Variants in ZNF124 observed in about 807,000 individuals in gnomAD.
ZNF124 encodes zinc finger protein HZF-16.
Under a neutral mutation model 26.6 loss-of-function variants are expected in ZNF124, and 25 were observed. That is an observed-to-expected ratio of 0.94 (90% CI 0.68 to 1.31). The LOEUF is 1.31. ZNF124 is among the 40% of genes most tolerant of loss of function. ZNF124 has a pLI of 0.00. For synonymous variants in ZNF124, 129 were observed against 133.3 expected, an observed-to-expected ratio of 0.97 and a Z score of 0.22; for missense variants, 444 against 422.2, an observed-to-expected ratio of 1.05 and a Z score of -0.45.
At chr1:247,170,880 C>G (rs528065462) in intron 1 of ZNF124, among the ~76,000 whole-genome samples, 1 of 118,168 alleles carries the variant, frequency 8.5e-6, no homozygotes, top group Non-Finnish European at 1.6e-5. Flanking sequence ...GCCCAGGACG[C>G]GGCGCCGGGC....
At chr1:247,134,282 A>T (rs559607584) in intron 3 of ZNF124, among the ~76,000 whole-genome samples, 2 of 152,364 alleles carry the variant, frequency 1.3e-5, no homozygotes, top group Non-Finnish European at 2.9e-5. Context: ...AATGGGCTAA[A>T]AGCCCCAATT....
At chr1:247,125,055 C>A (rs960287364) in intron 3 of ZNF124, among the ~76,000 whole-genome samples, 1 of 151,608 alleles carries the variant, frequency 6.6e-6, no homozygotes, top group African/African-American at 2.4e-5. Context: ...CACCTGCCTA[C>A]GCCTCCCAAA....
intron 3 of ZNF124, among the ~76,000 whole-genome samples, chr1:247,135,659 C>T (rs930112427): frequency 2.6e-5 from 4 of 152,132 alleles, no homozygotes; most frequent in African/African-American, 7.2e-5. Flanking sequence ...AAAGGAAGGA[C>T]TCCTCCCTAA....
Position 247,156,688 on chromosome 1 carries a change from G to A in ZNF124, c.934C>T (p.His312Tyr), listed in dbSNP as rs1314320585. 2.5e-6 allele frequency: 4 copies of A among 1,613,912 alleles called. No homozygotes were observed. The Admixed American group carries it at 6.7e-5, about 27-fold the overall frequency. The change falls in exon 4 of 4, where the codon CAT (histidine) becomes TAT (tyrosine). Residue 312 changes from histidine to tyrosine, a missense_variant. His to Tyr is a moderately conservative substitution (Grantham distance 83, BLOSUM62 2). Coordinates refer to ENST00000543802, the MANE Select transcript of ZNF124 (RefSeq NM_001297568.2). ...CATTCATAGGGTTTCTCTCCAGTAT[G>A]AGTCCTTTCATGGTCACGAAGGGAA... is the stretch of plus-strand genomic sequence containing the variant. ...SSSLRDHERT[H>Y]TGEKPYECQK...
intron 1 of ZNF124, among the ~76,000 whole-genome samples, chr1:247,162,780 C>CA (rs1673560574): frequency 6.6e-6 from 1 of 152,150 alleles, no homozygotes. Context: ...CAAGAGCACT[C>CA]AGATTCATAC....
chr1:247,164,052 A>G (rs1673645043), intron 1 of ZNF124, among the ~76,000 whole-genome samples: 1 of 152,212 alleles, frequency 6.6e-6, no homozygotes, highest in Non-Finnish European at 1.5e-5. Flanking sequence ...CAACATGATC[A>G]TCTCAATAGA....
At chr1:247,137,172 C>T (rs1457943154) in intron 3 of ZNF124, among the ~76,000 whole-genome samples, 2 of 151,440 alleles carry the variant, frequency 1.3e-5, no homozygotes, top group South Asian at 2.1e-4. Context: ...ATCTGATCCT[C>T]GACAAACCTG....
intron 3 of ZNF124, among the ~76,000 whole-genome samples, chr1:247,141,097 A>C (rs1558376200): frequency 6.6e-6 from 1 of 151,026 alleles, no homozygotes; most frequent in Non-Finnish European, 1.5e-5. Context: ...TGCTAAGTGC[A>C]ATCAGCCCAG....
At chr1:247,130,001 T>C (rs1208806468) in intron 3 of ZNF124, among the ~76,000 whole-genome samples, 2 of 151,082 alleles carry the variant, frequency 1.3e-5, no homozygotes, top group Non-Finnish European at 3.0e-5. Flanking sequence ...CCGAGCAGGA[T>C]GGGGTGGGAG....
At chr1:247,136,186 G>A (rs1198595123) in intron 3 of ZNF124, among the ~76,000 whole-genome samples, 1 of 152,048 alleles carries the variant, frequency 6.6e-6, no homozygotes, top group African/African-American at 2.4e-5. Flanking sequence ...GAAATAAAAG[G>A]GTATTAAAAT....
chr1:247,124,408 G>A (rs1443241434), intron 3 of ZNF124, among the ~76,000 whole-genome samples: 1 of 146,070 alleles, frequency 6.8e-6, no homozygotes, highest in East Asian at 2.1e-4. Context: ...TCACCATGTT[G>A]GCCAGGATGG....
intron 3 of ZNF124, among the ~76,000 whole-genome samples, chr1:247,141,072 G>A (rs1672614074): frequency 1.3e-5 from 2 of 148,976 alleles, no homozygotes; most frequent in Admixed American, 1.3e-4. Flanking sequence ...CACCCAAGAG[G>A]AGCCGGTTAG....
intron 3 of ZNF124, among the ~76,000 whole-genome samples, chr1:247,157,668 C>A (rs1486410803): frequency 2.0e-5 from 3 of 152,176 alleles, no homozygotes; most frequent in African/African-American, 7.2e-5. Flanking sequence ...TGCAGGTTTT[C>A]TAACATAAAC....
chr1:247,165,690 T>C (rs1395359016), intron 1 of ZNF124, among the ~76,000 whole-genome samples: 1 of 152,106 alleles, frequency 6.6e-6, no homozygotes, highest in Non-Finnish European at 1.5e-5. Flanking sequence ...CCAGAATCTG[T>C]AAGAAACTTA....
chr1:247,148,863 T>C (rs1672854268), intron 3 of ZNF124, among the ~76,000 whole-genome samples: 1 of 151,794 alleles, frequency 6.6e-6, no homozygotes, highest in Non-Finnish European at 1.5e-5. Context: ...CCAGCTACTC[T>C]GGAGGCTGAG....
At chr1:247,167,300 G>A (rs1673834518) in intron 1 of ZNF124, among the ~76,000 whole-genome samples, 1 of 152,158 alleles carries the variant, frequency 6.6e-6, no homozygotes, top group Admixed American at 6.5e-5. Context: ...GATCGGGCAA[G>A]GTTGCTGTAC....
At chr1:247,154,441 ATC>A (rs1191515262), downstream of ZNF124, among the ~76,000 whole-genome samples, 1 of 152,108 alleles carries the variant, frequency 6.6e-6, no homozygotes, top group Admixed American at 6.6e-5. Context: ...AGTCAATTAA[ATC>A]TCTTTCCTTT....
chr1:247,130,765 C>CT lies in ZNF124; in HGVS notation c.219-6895dup, dbSNP rs565841214. Among the ~76,000 whole-genome samples the CT allele has an allele frequency of 2.2e-4, 33 of 152,302 alleles. No individual in the cohort carries two copies. In the East Asian group the frequency reaches 6.0e-3, roughly 28 times the overall value. ...GTGATTTTGCTGGACTCTTCAAACA[C>CT]TGAGTATTTTTTCATTTGAAACAAA... On this transcript the variant is annotated intron_variant, in intron 3 of 3. Coordinates refer to the ZNF124 transcript ENST00000472531.
chr1:247,166,974 A>G (rs922348834), intron 1 of ZNF124, among the ~76,000 whole-genome samples: 1 of 152,220 alleles, frequency 6.6e-6, no homozygotes, highest in African/African-American at 2.4e-5. Context: ...CTAAAATAAA[A>G]TGGTTCAATA....
Sources: allele counts gnomAD v4.1 joint callset (sites outside exome capture counted in the v4.1 genomes callset), GRCh38; gene constraint gnomAD v4.1.1; transcripts MANE v1.5; gene names NCBI Gene and HGNC (gene_info 2026-07-23, HGNC 2026-07-21).